The following FER1L6 variants were observed in gnomAD, a reference collection of about 807,000 sequenced individuals.
FER1L6 encodes the protein fer-1 like family member 6.
A neutral mutation model predicts 219.2 loss-of-function variants in FER1L6; 177 were observed. That is an observed-to-expected ratio of 0.81 (90% CI 0.71 to 0.91). FER1L6 has a LOEUF of 0.91. Among genes scored for constraint, FER1L6 ranks in the 40% least tolerant of loss-of-function variants. FER1L6 has a pLI of 0.00. For missense variants in FER1L6, 2,153 were observed against 2,259.9 expected (o/e 0.95, Z 0.96); for synonymous variants, 768 against 824.3 (o/e 0.93, Z 1.17).
chr8:123,864,975 TCA>T (rs1185479667), intron 1 of FER1L6, among the ~76,000 whole-genome samples: 1 of 151,326 alleles, frequency 6.6e-6, no homozygotes, highest in East Asian at 1.9e-4. Flanking sequence ...CCTTCCTCTC[TCA>T]GCTCCTCAAA....
intron 1 of FER1L6, among the ~76,000 whole-genome samples, chr8:123,877,766 CAA>C (rs34492769): frequency 1.5e-4 from 19 of 126,638 alleles, no homozygotes; most frequent in Non-Finnish European, 1.9e-4. Flanking sequence ...CCAGTCCCTG[CAA>C]AAAAAAAAAA....
chr8:123,996,222 GGAT>G, intron 12 of FER1L6, among the ~76,000 whole-genome samples: 1 of 152,136 alleles, frequency 6.6e-6, no homozygotes, highest in South Asian at 2.1e-4. Context: ...TTTTCTGTCT[GGAT>G]GATTTTTCCA....
chr8:124,076,291 T>C lies in FER1L6; in HGVS notation c.4186T>C (p.Tyr1396His). 1.2e-6 allele frequency: 2 copies of C among 1,613,880 alleles called. No homozygotes were observed. The highest frequency in any genetic ancestry group is 2.2e-5 in the East Asian group (1 of 44,874). Residue 1396 changes from tyrosine (Y) to histidine (H), a missense_variant, in exon 32 of 41, where the codon TAC becomes CAC. By Grantham distance (83) the Tyr-to-His change is moderately conservative (BLOSUM62 2). Transcript: ENST00000522917. ...GKTEIKDRDK[Y>H]IPKQLNPVFG... ...GACAGAAATCAAAGACCGGGATAAA[T>C]ACATCCCTAAACAACTGAACCCAGT...
intron 1 of FER1L6, among the ~76,000 whole-genome samples, chr8:123,865,039 T>G (rs1169879390): frequency 6.6e-6 from 1 of 151,262 alleles, no homozygotes; most frequent in Non-Finnish European, 1.5e-5. Flanking sequence ...TGCGTTCCTT[T>G]GGAGGAGGAG....
chr8:123,881,952 G>A (rs753414796), intron 1 of FER1L6, among the ~76,000 whole-genome samples: 1 of 152,130 alleles, frequency 6.6e-6, no homozygotes, highest in Admixed American at 6.6e-5. Flanking sequence ...TCACTTCCTG[G>A]TGCTAAAAGC....
intron 38 of FER1L6, 58 bp downstream of exon 38, chr8:124,101,396 G>C (rs1393359927): frequency 2.0e-6 from 3 of 1,522,922 alleles, no homozygotes; most frequent in African/African-American, 2.8e-5. Flanking sequence ...CTCAGCTTTT[G>C]GAGAGCTTGG....
rs765266763 is a variant in FER1L6 at position 124,038,291 on chromosome 8, T to G, written c.2465-1591T>G. The stretch of plus-strand genomic sequence containing the variant: ...CACCTCCGCTATGGTCTGCCCCTTT[T>G]TCTTTGAATGTGCTTTGGTGAATGT... On this transcript the variant is annotated intron_variant, in intron 19 of 40. Coordinates refer to ENST00000522917, the MANE Select transcript of FER1L6 (RefSeq NM_001039112.2). Among the ~76,000 whole-genome samples the G allele has an allele frequency of 8.3e-4, 127 of 152,366 alleles. 1 individual carries two copies. Among genetic ancestry groups the G allele is most frequent in the East Asian group, 9.6e-4 (5 of 5,188 alleles).
chr8:123,912,279 T>TAAAA (rs547671336), intron 1 of FER1L6, among the ~76,000 whole-genome samples: 1 of 145,086 alleles, frequency 6.9e-6, no homozygotes, highest in Non-Finnish European at 1.5e-5. Flanking sequence ...TGTCAATGTT[T>TAAAA]AAAAAAAAAG....
chr8:124,099,884 G>A (rs1057299209), intron 37 of FER1L6, among the ~76,000 whole-genome samples: 3 of 151,990 alleles, frequency 2.0e-5, no homozygotes, highest in Admixed American at 1.3e-4. Context: ...CTTCTTCCAC[G>A]GGGCCTTTGC....
chr8:123,894,360 C>T (rs1404584212), intron 1 of FER1L6, among the ~76,000 whole-genome samples: 1 of 152,172 alleles, frequency 6.6e-6, no homozygotes, highest in Non-Finnish European at 1.5e-5. Flanking sequence ...TTCCCATCTT[C>T]TTGGCTGCAG....
At chr8:123,903,702 T>C (rs1020900031) in intron 1 of FER1L6, among the ~76,000 whole-genome samples, 1 of 152,176 alleles carries the variant, frequency 6.6e-6, no homozygotes, top group African/African-American at 2.4e-5. Context: ...AGTCTACGCT[T>C]ACGTATGTTC....
chr8:123,853,014 T>G lies in FER1L6; in HGVS notation c.-8+829T>G, dbSNP rs1216322485. ...TTAGCTACCTATCAGATCAATTTTA[T>G]TCTTATTTTTGTAGAGACGGGGCCT... is the stretch of plus-strand genomic sequence containing the variant. On this transcript the variant is annotated intron_variant, in intron 1 of 40. Transcript: ENST00000522917. The surrounding 1 kb of genome is among the most constrained non-coding windows in gnomAD (Gnocchi z 6.6). Among the ~76,000 whole-genome samples the G allele has an allele frequency of 1.3e-5, 2 of 152,188 alleles. No homozygotes were observed. The highest frequency in any genetic ancestry group is 4.8e-5 in the African/African-American group (2 of 41,436).
At chr8:123,956,308 A>G (rs542376674) in intron 2 of FER1L6, among the ~76,000 whole-genome samples, 6 of 152,358 alleles carry the variant, frequency 3.9e-5, no homozygotes, top group Admixed American at 1.3e-4. Flanking sequence ...GTGAGAAAAC[A>G]GCAGCAGGGT....
rs542074084 is a variant in FER1L6, at chr8:123,905,927, C to T, written c.-7-50065C>T. On this transcript the variant is annotated intron_variant, in intron 1 of 40. Coordinates refer to ENST00000522917, the MANE Select transcript of FER1L6 (RefSeq NM_001039112.2). ...AAATTCCTACTTACATAAAGCAATA[C>T]GGGGTTTTTTGAAGGGATATTGCAT... Among the ~76,000 whole-genome samples the T allele has an allele frequency of 9.9e-5, 15 of 152,176 alleles. No homozygotes were observed. In the South Asian group the frequency reaches 2.1e-3, roughly 21 times the overall value.
intron 15 of FER1L6, chr8:124,014,335 T>C (rs1818082190): frequency 6.6e-6 from 1 of 152,652 alleles, no homozygotes; most frequent in Non-Finnish European, 1.5e-5. Context: ...TGTCTTATTT[T>C]TTATACAAAG....
chr8:124,095,126 C>A, intron 35 of FER1L6, 88 bp downstream of exon 35: 1 of 1,526,650 alleles, frequency 6.6e-7, no homozygotes, highest in Non-Finnish European at 8.9e-7. Context: ...TTGACCTTCC[C>A]TCAGGTACAT....
chr8:123,874,708 C>CCATTCT (rs1448664662), intron 1 of FER1L6, among the ~76,000 whole-genome samples: 1 of 152,166 alleles, frequency 6.6e-6, no homozygotes, highest in Non-Finnish European at 1.5e-5. Flanking sequence ...CCTCTGTATT[C>CCATTCT]CAGTTGTTCT....
chr8:124,118,493 G>C (rs931757506), intron 39 of FER1L6, among the ~76,000 whole-genome samples: 1 of 152,150 alleles, frequency 6.6e-6, no homozygotes, highest in Non-Finnish European at 1.5e-5. Context: ...GGATTCAAAA[G>C]GGTCTGCCAC....
At chr8:123,987,625 A>G (rs1267275316) in intron 12 of FER1L6, among the ~76,000 whole-genome samples, 3 of 152,144 alleles carry the variant, frequency 2.0e-5, no homozygotes, top group African/African-American at 4.8e-5. Flanking sequence ...AGTTTTCCCA[A>G]TGTTTTCTTG....
Sources: allele counts gnomAD v4.1 joint callset (sites outside exome capture counted in the v4.1 genomes callset), GRCh38; gene constraint gnomAD v4.1.1; non-coding constraint Gnocchi (gnomAD v3.1); transcripts MANE v1.5; gene names NCBI Gene and HGNC (gene_info 2026-07-23, HGNC 2026-07-21).